The following ZNF737 variants were observed in gnomAD, a reference collection of about 807,000 sequenced individuals.
ZNF737 encodes the protein zinc finger protein 102 (Y3).
ZNF737 carries 13 observed loss-of-function variants against 11.7 expected under a neutral mutation model. The observed-to-expected ratio is 1.11, with a 90% confidence interval of 0.73 to 1.77. The LOEUF (loss-of-function observed/expected upper bound fraction) is 1.77, where lower values mean the gene tolerates loss of function less well. Among genes scored for constraint, ZNF737 ranks in the 40% most tolerant of loss-of-function variants. The pLI, the probability that ZNF737 is intolerant of heterozygous loss-of-function variation, is 0.00. For missense variants in ZNF737, 636 were observed against 638.0 expected (o/e 1.00, Z 0.03); for synonymous variants, 217 against 216.2 (o/e 1.00, Z -0.03).
At position 20,541,085 on chromosome 19, in the gene ZNF737, G is replaced by A; in HGVS notation, c.*3507C>T. ...TGTGCTTTAATAGGCAGACTCTGGG[G>A]AGAATCCGAATCACAGGCCAGAACA... On this transcript the variant is annotated 3_prime_UTR_variant, in exon 4 of 4. Coordinates refer to ENST00000427401, the MANE Select transcript of ZNF737 (RefSeq NM_001159293.2). 3 of 985,224 alleles carry A rather than the reference G, an allele frequency of 3.0e-6. No individual in the cohort carries two copies. The highest frequency in any genetic ancestry group is 3.6e-6 in the Non-Finnish European group (3 of 829,804). The allele number at this position is 985,224 out of a possible 1,614,324, so 61.0% of individuals were successfully genotyped here. A position where few individuals can be genotyped will look rare whatever the true frequency, so the allele number is the denominator to read the frequency against.
At position 20,542,293 on chromosome 19, in the gene ZNF737, A is replaced by G. The variant is rs1175685408; in HGVS notation, c.*2299T>C. The G allele has an allele frequency of 8.0e-5, 53 of 660,956 alleles. No homozygotes were observed. Among genetic ancestry groups the G allele is most frequent in the South Asian group, 2.1e-4 (3 of 14,630 alleles). 40.9% of individuals were successfully genotyped at this position (660,956 alleles called of 1,614,324 possible). A position where few individuals can be genotyped will look rare whatever the true frequency, so the allele number is the denominator to read the frequency against. ...GCCCAGACTGGAGTGCAATCGCACA[A>G]TCTTGCCCCACTGCAACCTCTGCCT... On this transcript the variant is annotated 3_prime_UTR_variant, in exon 4 of 4. Transcript: ENST00000427401.
downstream of ZNF737, chr19:20,537,875 T>C (rs75892072): frequency 0.02 from 3,514 of 174,874 alleles, 140 homozygotes; most frequent in African/African-American, 0.08. Context: ...CATGATCTTA[T>C]TCAAATGTTT....
At position 20,543,806 on chromosome 19, in the gene ZNF737, C is replaced by T. The variant is rs1338340360; in HGVS notation, c.*786G>A. The T allele has an allele frequency of 4.4e-5, 43 of 985,326 alleles. No homozygotes were observed. Among genetic ancestry groups the T allele is most frequent in the Non-Finnish European group, 4.9e-5 (41 of 829,962 alleles). The allele number at this position is 985,326 out of a possible 1,614,324, so 61.0% of individuals were successfully genotyped here. On this transcript the variant is annotated 3_prime_UTR_variant, in exon 4 of 4. Transcript: ENST00000427401. ...TTAGCTTTGCGGATTTCCTCTTCAACATGAATTATTGCCATGCCTCTTAAG... is the reference window on the plus strand; with the variant it reads ...TTAGCTTTGCGGATTTCCTCTTCAATATGAATTATTGCCATGCCTCTTAAG...
At position 20,538,647 on chromosome 19, in the gene ZNF737, C is replaced by A. The variant is rs1481555254; in HGVS notation, c.*5945G>T. On this transcript the variant is annotated 3_prime_UTR_variant, in exon 4 of 4. Transcript: ENST00000427401. ...TCCAGAGAACAAACATTTCTAAAAC[C>A]ATTATGGACCCTGAGTAATTCAGGG... The A allele has an allele frequency of 5.1e-6, 5 of 984,826 alleles. No individual in the cohort carries two copies. The highest frequency in any genetic ancestry group is 6.0e-6 in the Non-Finnish European group (5 of 829,538). 61.0% of individuals were successfully genotyped at this position (984,826 alleles called of 1,614,324 possible).
intron 1 of ZNF737, among the ~76,000 whole-genome samples, chr19:20,565,101 A>C (rs1319977113): frequency 1.3e-5 from 2 of 151,814 alleles, no homozygotes; most frequent in Admixed American, 1.3e-4. Flanking sequence ...CACCCAGCTA[A>C]TTTTTGCATT....
chr19:20,535,307 G>C (rs1432497310), downstream of ZNF737, among the ~76,000 whole-genome samples: 1 of 151,910 alleles, frequency 6.6e-6, no homozygotes, highest in Non-Finnish European at 1.5e-5. Context: ...CAAAATAAAA[G>C]AGAAGGAAGG....
intron 1 of ZNF737, 36 bp downstream of exon 1, chr19:20,565,602 T>TCCC (rs1555763609): frequency 6.2e-7 from 1 of 1,613,980 alleles, no homozygotes; most frequent in East Asian, 2.2e-5. Context: ...AACCAGCCTA[T>TCCC]CCCCCTCTCT....
Position 20,545,680 on chromosome 19 carries a change from A to C in ZNF737, c.523T>G (p.Cys175Gly), listed in dbSNP as rs557055859. 1 of 1,613,710 alleles carries C rather than the reference A, an allele frequency of 6.2e-7. No individual in the cohort carries two copies. Among genetic ancestry groups the C allele is most frequent in the East Asian group, 2.2e-5 (1 of 44,842 alleles). ...IRHTGKKPFK[C>G]IECGKAFNQS... Reference sequence around the variant, plus strand: ...TTAAAAGCTTTGCCACATTCTATACATTTGAAAGGTTTTTTTCCAGTATGT... The same window carrying C: ...TTAAAAGCTTTGCCACATTCTATACCTTTGAAAGGTTTTTTTCCAGTATGT... Residue 175 changes from cysteine to glycine, a missense_variant, in exon 4 of 4, where the codon TGT becomes GGT. Cys to Gly is a radical substitution (Grantham distance 159). Transcript: ENST00000427401.
chr19:20,537,826 C>G (rs1168756461), downstream of ZNF737, among the ~76,000 whole-genome samples: 1 of 151,776 alleles, frequency 6.6e-6, no homozygotes, highest in Non-Finnish European at 1.5e-5. Flanking sequence ...TATTTTTTTT[C>G]TAAATTTACT....
chr19:20,534,474 T>TATCTATCTATCTATCTATCTATC (rs1555753467), downstream of ZNF737, among the ~76,000 whole-genome samples: 1 of 149,556 alleles, frequency 6.7e-6, no homozygotes, highest in African/African-American at 2.5e-5. Flanking sequence ...TCTATCTATC[T>TATCTATCTATCTATCTATCTATC]ATCTATCTAT....
In ZNF737 at chr19:20,541,352, A is replaced by G; in HGVS notation, c.*3240T>C. 4 of 984,096 alleles carry G rather than the reference A, an allele frequency of 4.1e-6. No individual in the cohort carries two copies. The highest frequency in any genetic ancestry group is 4.8e-6 in the Non-Finnish European group (4 of 828,730). 61.0% of individuals were successfully genotyped at this position (984,096 alleles called of 1,614,324 possible). On this transcript the variant is annotated 3_prime_UTR_variant, in exon 4 of 4. Transcript: ENST00000427401. ...TTTAACTCTATGTAAATTAAAACTA[A>G]AAGTCTATGTGTTTGCAGGCAGAGA... is the stretch of plus-strand genomic sequence containing the variant.
intron 3 of ZNF737, among the ~76,000 whole-genome samples, chr19:20,549,323 A>C (rs1328022437): frequency 6.6e-6 from 1 of 152,130 alleles, no homozygotes; most frequent in African/African-American, 2.4e-5. Flanking sequence ...CACCCAATAA[A>C]CTAATCTTAA....
At position 20,544,239 on chromosome 19, in the gene ZNF737, C is replaced by T. The variant is rs564167681; in HGVS notation, c.*353G>A. On this transcript the variant is annotated 3_prime_UTR_variant, in exon 4 of 4. Transcript: ENST00000427401. ...AGAAGGGTTCAGAACTTCCTAAAAG[C>T]GTTGTCACATTCTTTATATTTGTAG... The T allele has an allele frequency of 3.9e-5, 41 of 1,056,790 alleles. 1 individual carries two copies. The highest frequency in any genetic ancestry group is 7.0e-5 in the South Asian group (2 of 28,540). The allele number at this position is 1,056,790 out of a possible 1,614,324, so 65.5% of individuals were successfully genotyped here.
At chr19:20,558,504 T>C (rs1968971230) in intron 1 of ZNF737, among the ~76,000 whole-genome samples, 1 of 152,130 alleles carries the variant, frequency 6.6e-6, no homozygotes, top group Admixed American at 6.5e-5. Flanking sequence ...GACTGCTGCA[T>C]AGTTTTTTTT....
downstream of ZNF737, among the ~76,000 whole-genome samples, chr19:20,532,485 A>C (rs1555753073): frequency 6.7e-6 from 1 of 150,064 alleles, no homozygotes; most frequent in Non-Finnish European, 1.5e-5. Context: ...ATATGTACAG[A>C]AAGAAGCCTA....
At chr19:20,546,008 A>G (rs782732253) in intron 3 of ZNF737, 32 bp from the exon 4 acceptor site, 96 of 1,525,154 alleles carry the variant, frequency 6.3e-5, no homozygotes, top group Non-Finnish European at 7.9e-5. Context: ...CATTACTTCA[A>G]TTGGTAGACT....
At chr19:20,550,210 G>A (rs2144645960) in intron 3 of ZNF737, among the ~76,000 whole-genome samples, 1 of 152,192 alleles carries the variant, frequency 6.6e-6, no homozygotes, top group Admixed American at 6.5e-5. Context: ...TGTTAAATAA[G>A]AAATATATAT....
In ZNF737 at chr19:20,541,935, G is replaced by T. The variant is rs752838576; in HGVS notation, c.*2657C>A. 1,179 of 800,458 alleles carry T rather than the reference G, an allele frequency of 1.5e-3. No homozygotes were observed. Among genetic ancestry groups the T allele is most frequent in the Non-Finnish European group, 1.7e-3 (1,131 of 662,516 alleles). The allele number at this position is 800,458 out of a possible 1,614,324, so 49.6% of individuals were successfully genotyped here. A position where few individuals can be genotyped will look rare whatever the true frequency, so the allele number is the denominator to read the frequency against. On this transcript the variant is annotated 3_prime_UTR_variant, in exon 4 of 4. Coordinates refer to ENST00000427401, the MANE Select transcript of ZNF737 (RefSeq NM_001159293.2). ...CCTGAGTCAAAAGATGCCATATAAG[G>T]CATAAATATATACACATATTATATA...
downstream of ZNF737, among the ~76,000 whole-genome samples, chr19:20,536,311 G>GTCAA (rs1294808981): frequency 6.6e-6 from 1 of 152,128 alleles, no homozygotes; most frequent in African/African-American, 2.4e-5. Flanking sequence ...TGGTTATTTT[G>GTCAA]TCAATATAAG....
Sources: gnomAD v4.1 joint callset for allele counts (sites outside exome capture counted in the v4.1 genomes callset) on GRCh38, gnomAD v4.1.1 for gene constraint, MANE v1.5 for transcripts, NCBI Gene and HGNC (gene_info 2026-07-23, HGNC 2026-07-21) for gene names.